RIT2: variants seen among roughly 807,000 people sequenced by gnomAD.
RIT2 encodes the protein GTP-binding protein Rit2.
A neutral mutation model predicts 23.7 loss-of-function variants in RIT2; 24 were observed. The observed-to-expected ratio is 1.01, with a 90% CI of 0.73 to 1.43. The LOEUF is 1.43. Ranked by LOEUF, RIT2 falls within the 40% of genes most tolerant of loss-of-function variation. RIT2 has a pLI of 0.00. For synonymous variants in RIT2, 107 were observed against 91.1 expected (o/e 1.17, Z -0.99); for missense variants, 236 against 266.9 (o/e 0.88, Z 0.81).
rs1222675816 is a variant in RIT2, at chr18:43,115,398, A to G, written c.103+19T>C. 1.2e-6 allele frequency: 2 copies of G among 1,612,692 alleles called. No individual in the cohort carries two copies. The highest frequency in any genetic ancestry group is 1.1e-5 in the South Asian group (1 of 90,894). On this transcript the variant is annotated intron_variant, in intron 1 of 4. Coordinates refer to ENST00000326695, the MANE Select transcript of RIT2 (RefSeq NM_002930.4). ...CTATAGAGGTCCCTCCTTCCCCAGC[A>G]TTTGGTGTGAAAACTTACCGCTTTT...
chr18:42,747,558 A>G (rs1213558882), intron 4 of RIT2, among the ~76,000 whole-genome samples: 1 of 152,110 alleles, frequency 6.6e-6, no homozygotes, highest in Non-Finnish European at 1.5e-5. Context: ...TAAAATTCAT[A>G]TGGAAGCAAA....
At position 42,968,440 on chromosome 18, in the gene RIT2, T is replaced by C. The variant is rs147401914; in HGVS notation, c.234+5634A>G. 2.7e-3 allele frequency among the ~76,000 whole-genome samples: 418 copies of C among 152,262 alleles called. 1 individual carries two copies. The highest frequency in any genetic ancestry group is 4.5e-3 in the Non-Finnish European group (309 of 67,994). On this transcript the variant is annotated intron_variant, in intron 3 of 4. Transcript: ENST00000326695. ...GTTAATAATAAATTGTTTTCAAGCA[T>C]CTCAGAGCCAAAACAATGGATCATA...
chr18:42,987,130 CAT>C (rs796632635), intron 2 of RIT2, among the ~76,000 whole-genome samples: 108 of 152,204 alleles, frequency 7.1e-4, no homozygotes, highest in African/African-American at 2.3e-3. Context: ...TATATATACA[CAT>C]ATGTGTGTGT....
At chr18:42,788,585 T>G (rs1913972823) in intron 4 of RIT2, among the ~76,000 whole-genome samples, 1 of 152,220 alleles carries the variant, frequency 6.6e-6, no homozygotes, top group African/African-American at 2.4e-5. Flanking sequence ...ATTTCAAAAA[T>G]GAGATTCATT....
At position 43,099,394 on chromosome 18, in the gene RIT2, T is replaced by C. The variant is rs1913630179; in HGVS notation, c.103+16023A>G. On this transcript the variant is annotated intron_variant, in intron 1 of 4. Coordinates refer to ENST00000326695, the MANE Select transcript of RIT2 (RefSeq NM_002930.4). Reference sequence around the variant, plus strand: ...GAACATTACATTAAGTAACGTAAGTTTGCATTTTTAATCTTGTATATATTA... The same window carrying C: ...GAACATTACATTAAGTAACGTAAGTCTGCATTTTTAATCTTGTATATATTA... Among the ~76,000 whole-genome samples, 4 of 152,194 alleles carry C rather than the reference T, an allele frequency of 2.6e-5. No individual in the cohort carries two copies. The South Asian group carries it at 8.3e-4, about 32-fold the overall frequency.
intron 1 of RIT2, among the ~76,000 whole-genome samples, chr18:43,105,211 A>C (rs753289145): frequency 6.6e-6 from 1 of 151,884 alleles, no homozygotes. Context: ...GGTAACTAGT[A>C]AACTACTTTT....
At position 42,743,312 on chromosome 18, in the gene RIT2, C is replaced by T. The variant is rs1912835641; in HGVS notation, c.*181G>A. 1.7e-5 allele frequency: 10 copies of T among 596,644 alleles called. No individual in the cohort carries two copies. In the East Asian group the frequency reaches 2.8e-4, roughly 17 times the overall value. 37.0% of individuals were successfully genotyped at this position (596,644 alleles called of 1,614,324 possible). Reference sequence around the variant, plus strand: ...CAGCTGATTGACAAAATCCATCCAACTGTTAAAGGCAAAACAAAACTATCT... The same window carrying T: ...CAGCTGATTGACAAAATCCATCCAATTGTTAAAGGCAAAACAAAACTATCT... On this transcript the variant is annotated 3_prime_UTR_variant, in exon 5 of 5. Transcript: ENST00000326695.
At chr18:43,006,115 G>A (rs1254786961) in intron 2 of RIT2, among the ~76,000 whole-genome samples, 1 of 151,682 alleles carries the variant, frequency 6.6e-6, no homozygotes, top group Admixed American at 6.6e-5. Flanking sequence ...TAAAAGTAGG[G>A]GAAGAGAACG....
intron 4 of RIT2, among the ~76,000 whole-genome samples, chr18:42,792,285 C>T (rs1372165131): frequency 2.6e-5 from 4 of 152,090 alleles, no homozygotes; most frequent in Admixed American, 2.0e-4. Flanking sequence ...TTAATGCACA[C>T]CTGGAGCAAG....
At chr18:42,863,118 A>C (rs1907374051) in intron 4 of RIT2, among the ~76,000 whole-genome samples, 1 of 152,080 alleles carries the variant, frequency 6.6e-6, no homozygotes, top group African/African-American at 2.4e-5. Flanking sequence ...AGAAGCCTCA[A>C]ATCTGGAAAC....
intron 2 of RIT2, among the ~76,000 whole-genome samples, chr18:43,020,237 C>G (rs897764420): frequency 4.6e-5 from 7 of 152,080 alleles, no homozygotes; most frequent in Non-Finnish European, 1.0e-4. Flanking sequence ...GTAATCCCAG[C>G]ACTTTGGAAG....
intron 3 of RIT2, among the ~76,000 whole-genome samples, chr18:42,969,766 T>G (rs1192265005): frequency 6.6e-6 from 1 of 152,082 alleles, no homozygotes; most frequent in Non-Finnish European, 1.5e-5. Context: ...GTAAACATGA[T>G]ATATATTTTG....
intron 4 of RIT2, among the ~76,000 whole-genome samples, chr18:42,826,181 A>T (rs1259470392): frequency 6.6e-6 from 1 of 152,070 alleles, no homozygotes; most frequent in Non-Finnish European, 1.5e-5. Context: ...ACACACAAAA[A>T]ATCCTAATTG....
intron 4 of RIT2, among the ~76,000 whole-genome samples, chr18:42,886,785 A>G (rs892280198): frequency 1.3e-5 from 2 of 152,222 alleles, no homozygotes; most frequent in African/African-American, 2.4e-5. Context: ...CAGTAGCAAG[A>G]TTGGCTGTTT....
chr18:42,832,579 A>C (rs1468406097), intron 4 of RIT2, among the ~76,000 whole-genome samples: 1 of 152,200 alleles, frequency 6.6e-6, no homozygotes, highest in Non-Finnish European at 1.5e-5. Flanking sequence ...TATGGGGTAC[A>C]CATATTTTGA....
At chr18:43,081,630 G>A (rs138086436) in intron 1 of RIT2, among the ~76,000 whole-genome samples, 1 of 152,196 alleles carries the variant, frequency 6.6e-6, no homozygotes, top group East Asian at 1.9e-4. Context: ...GGTATCAAGA[G>A]GCTGAGTTCC....
chr18:43,024,927 G>A (rs1456619568), intron 2 of RIT2, among the ~76,000 whole-genome samples: 1 of 152,006 alleles, frequency 6.6e-6, no homozygotes, highest in Non-Finnish European at 1.5e-5. Context: ...AAGCCAACAG[G>A]CCGGGTGCGG....
intron 3 of RIT2, among the ~76,000 whole-genome samples, chr18:42,971,049 A>G (rs1366533041): frequency 6.6e-6 from 1 of 152,026 alleles, no homozygotes; most frequent in Non-Finnish European, 1.5e-5. Flanking sequence ...ACTTCTTTGT[A>G]TAACATTTTA....
chr18:42,749,332 A>G (rs1192451177), intron 4 of RIT2, among the ~76,000 whole-genome samples: 3 of 151,956 alleles, frequency 2.0e-5, no homozygotes, highest in African/African-American at 4.8e-5. Flanking sequence ...TTTATTCATA[A>G]TGATGCTTAT....
Sources: gnomAD v4.1 joint callset for allele counts (sites outside exome capture counted in the v4.1 genomes callset) on GRCh38, gnomAD v4.1.1 for gene constraint, MANE v1.5 for transcripts, NCBI Gene and HGNC (gene_info 2026-07-23, HGNC 2026-07-21) for gene names.